NKAIN3: variants seen among roughly 807,000 people sequenced by gnomAD.
The protein encoded by NKAIN3 is sodium/potassium transporting ATPase interacting 3.
NKAIN3 carries 25 observed loss-of-function variants against 30.2 expected under a neutral mutation model. The observed-to-expected ratio is 0.83, with a 90% CI of 0.60 to 1.16. The LOEUF is 1.16. Ranked by LOEUF, NKAIN3 falls within the 50% of genes most tolerant of loss-of-function variation. The probability of loss-of-function intolerance (pLI) is 0.00; values close to 1 mark genes in which losing one functional copy is unlikely to be tolerated. For missense variants in NKAIN3, 225 were observed against 254.1 expected (o/e 0.89, Z 0.78); for synonymous variants, 91 against 89.6 (o/e 1.02, Z -0.09).
At chr8:62,316,676 CATT>C (rs1326678905) in intron 1 of NKAIN3, among the ~76,000 whole-genome samples, 2 of 152,084 alleles carry the variant, frequency 1.3e-5, no homozygotes, top group African/African-American at 4.8e-5. Flanking sequence ...TCCAGTCTAT[CATT>C]GTTGGACATT....
intron 1 of NKAIN3, among the ~76,000 whole-genome samples, chr8:62,427,584 A>G (rs886388708): frequency 6.6e-6 from 1 of 152,034 alleles, no homozygotes; most frequent in Non-Finnish European, 1.5e-5. Flanking sequence ...TAAATCTTCT[A>G]CTCATAGAGC....
downstream of NKAIN3, among the ~76,000 whole-genome samples, chr8:62,987,943 C>A (rs568026714): frequency 1.6e-4 from 25 of 152,304 alleles, no homozygotes; most frequent in Non-Finnish European, 3.2e-4. Flanking sequence ...TTTCTAGATA[C>A]AAGGGGAGTA....
chr8:62,964,577 T>TGTGC (rs1491191519), intron 6 of NKAIN3, among the ~76,000 whole-genome samples: 205 of 144,920 alleles, frequency 1.4e-3, no homozygotes, highest in East Asian at 1.4e-3. Context: ...TGTGTGTGTG[T>TGTGC]GCTTCCCCAC....
intron 1 of NKAIN3, among the ~76,000 whole-genome samples, chr8:62,435,363 C>T (rs978045871): frequency 1.3e-5 from 2 of 152,050 alleles, no homozygotes; most frequent in Admixed American, 6.6e-5. Flanking sequence ...CATGAGCTTC[C>T]GTGTACTCTT....
chr8:62,658,630 G>T (rs1268765007), intron 3 of NKAIN3, among the ~76,000 whole-genome samples: 1 of 152,100 alleles, frequency 6.6e-6, no homozygotes, highest in Non-Finnish European at 1.5e-5. Flanking sequence ...TCTACTTAGT[G>T]ATTTATCATT....
At chr8:62,434,762 T>C (rs1413508633) in intron 1 of NKAIN3, among the ~76,000 whole-genome samples, 1 of 152,130 alleles carries the variant, frequency 6.6e-6, no homozygotes, top group Non-Finnish European at 1.5e-5. Flanking sequence ...AAAAAAATGG[T>C]TTCATAATAA....
chr8:62,777,654 C>G (rs1055565235), intron 4 of NKAIN3, among the ~76,000 whole-genome samples: 1 of 152,104 alleles, frequency 6.6e-6, no homozygotes, highest in Admixed American at 6.6e-5. Flanking sequence ...AATTCTCTAT[C>G]TGAAAGGTTA....
intron 3 of NKAIN3, among the ~76,000 whole-genome samples, 197 bp downstream of exon 3, chr8:62,589,991 T>C (rs1220156819): frequency 4.6e-5 from 7 of 151,264 alleles, no homozygotes; most frequent in Non-Finnish European, 1.5e-5. Context: ...AGTGTGTTAA[T>C]ATCATGGAAC....
At chr8:62,412,609 C>A (rs938506921) in intron 1 of NKAIN3, among the ~76,000 whole-genome samples, 1 of 151,792 alleles carries the variant, frequency 6.6e-6, no homozygotes, top group African/African-American at 2.4e-5. Flanking sequence ...AAACAAATAA[C>A]CTTGGCTGGG....
Position 62,269,167 on chromosome 8 carries a change from C to G in NKAIN3, c.54+20040C>G, listed in dbSNP as rs1812697479. Reference sequence around the variant, plus strand: ...CTAGAAGAACATTGCTCAATAAAACCCCTGTGCATGGTGGATAAGTATTGC... The same window carrying G: ...CTAGAAGAACATTGCTCAATAAAACGCCTGTGCATGGTGGATAAGTATTGC... On this transcript the variant is annotated intron_variant, in intron 1 of 6. Transcript: ENST00000623646. Among the ~76,000 whole-genome samples, 4 of 152,100 alleles carry G rather than the reference C, an allele frequency of 2.6e-5. No homozygotes were observed. The South Asian group carries it at 8.3e-4, about 32-fold the overall frequency.
At chr8:62,831,016 G>C (rs189663417) in intron 4 of NKAIN3, among the ~76,000 whole-genome samples, 184 of 152,272 alleles carry the variant, frequency 1.2e-3, no homozygotes, top group African/African-American at 4.3e-3. Flanking sequence ...AGGCAGCAGA[G>C]AGAGTTTCTC....
intron 3 of NKAIN3, among the ~76,000 whole-genome samples, chr8:62,723,813 G>T (rs1246820081): frequency 6.6e-6 from 1 of 152,030 alleles, no homozygotes; most frequent in African/African-American, 2.4e-5. Context: ...TTTAAAAGTA[G>T]ACAAAGCAGT....
At chr8:62,593,774 T>C (rs1423374249) in intron 3 of NKAIN3, among the ~76,000 whole-genome samples, 2 of 152,074 alleles carry the variant, frequency 1.3e-5, no homozygotes, top group African/African-American at 2.4e-5. Flanking sequence ...TTGGGGTTAG[T>C]AGAAAAATGT....
At chr8:62,406,414 T>C (rs944089231) in intron 1 of NKAIN3, among the ~76,000 whole-genome samples, 1 of 152,186 alleles carries the variant, frequency 6.6e-6, no homozygotes, top group Non-Finnish European at 1.5e-5. Context: ...TTTTCAAACA[T>C]AAGAAAATAA....
At chr8:62,486,519 G>A (rs1283076278) in intron 1 of NKAIN3, among the ~76,000 whole-genome samples, 4 of 152,084 alleles carry the variant, frequency 2.6e-5, no homozygotes, top group Non-Finnish European at 5.9e-5. Context: ...AATATTGCTT[G>A]GATGTAAGTT....
intron 3 of NKAIN3, among the ~76,000 whole-genome samples, chr8:62,616,888 A>C (rs981274720): frequency 6.6e-5 from 10 of 152,150 alleles, no homozygotes; most frequent in African/African-American, 2.4e-4. Context: ...TGTAATCCCC[A>C]ATGTTGTAGT....
chr8:62,797,087 T>C (rs1817886566), intron 4 of NKAIN3, among the ~76,000 whole-genome samples: 1 of 152,248 alleles, frequency 6.6e-6, no homozygotes, highest in Non-Finnish European at 1.5e-5. Context: ...TGACTTGATC[T>C]TTATTCTCTG....
At chr8:62,337,241 C>T (rs1815584215) in intron 1 of NKAIN3, among the ~76,000 whole-genome samples, 1 of 152,008 alleles carries the variant, frequency 6.6e-6, no homozygotes. Flanking sequence ...ATCATAGATC[C>T]CTTCCTCCCA....
chr8:62,936,106 G>A (rs1282916517), intron 5 of NKAIN3, among the ~76,000 whole-genome samples: 1 of 152,086 alleles, frequency 6.6e-6, no homozygotes, highest in Non-Finnish European at 1.5e-5. Context: ...TGTAACCACC[G>A]CTATTTCCCA....
Sources: gnomAD v4.1 joint callset for allele counts (sites outside exome capture counted in the v4.1 genomes callset) on GRCh38, gnomAD v4.1.1 for gene constraint, MANE v1.5 for transcripts, NCBI Gene and HGNC (gene_info 2026-07-23, HGNC 2026-07-21) for gene names.